The following AAMP variants were observed in gnomAD, a reference collection of about 807,000 sequenced individuals.
AAMP encodes angio-associated migratory cell protein.
AAMP carries 12 observed loss-of-function variants against 51.1 expected under a neutral mutation model. The observed-to-expected ratio is 0.23, with a 90% CI of 0.15 to 0.38. The LOEUF is 0.38. AAMP is among the 10% of genes least tolerant of loss of function. AAMP has a pLI of 1.00. For missense variants in AAMP, 418 were observed against 557.2 expected, an observed-to-expected ratio of 0.75 and a Z score of 2.52; for synonymous variants, 210 against 218.7, an observed-to-expected ratio of 0.96 and a Z score of 0.35.
At chr2:218,269,903 C>A (rs1433276088) in intron 1 of AAMP, 63 bp downstream of exon 1, 1 of 1,606,366 alleles carries the variant, frequency 6.2e-7, no homozygotes, top group Non-Finnish European at 8.5e-7. Context: ...CGGGGAAAAG[C>A]AGGAGTCAGA....
At position 218,264,623 on chromosome 2, in the gene AAMP, C is replaced by T. The variant is rs1180845520; in HGVS notation, c.1230-15G>A. On this transcript the variant is annotated splice_polypyrimidine_tract_variant and intron_variant, in intron 10 of 10. Transcript: ENST00000248450. Reference sequence around the variant, plus strand: ...GGGAGGCATCTCTGTAAACAGAAAGCATGTGATTGCAGAGACTGGGGGACC... The same window carrying T: ...GGGAGGCATCTCTGTAAACAGAAAGTATGTGATTGCAGAGACTGGGGGACC... The T allele has an allele frequency of 6.2e-7, 1 of 1,612,658 alleles. No individual in the cohort carries two copies. The highest frequency in any genetic ancestry group is 1.3e-5 in the African/African-American group (1 of 74,916).
At position 218,267,353 on chromosome 2, in the gene AAMP, G is replaced by C; in HGVS notation, c.394+141C>G. ...CCCAAAACACACTAGTATTCGCCCC[G>C]TGTCCCTGGGGCCCAGCACAGAGCT... is the stretch of plus-strand genomic sequence containing the variant. On this transcript the variant is annotated intron_variant, in intron 3 of 10. Transcript: ENST00000248450. The surrounding 1 kb of genome is among the most constrained non-coding windows in gnomAD (Gnocchi z 4.6). The C allele has an allele frequency of 7.8e-7, 1 of 1,275,984 alleles. No homozygotes were observed. The highest frequency in any genetic ancestry group is 1.1e-6 in the Non-Finnish European group (1 of 913,760). The allele number at this position is 1,275,984 out of a possible 1,614,324, so 79.0% of individuals were successfully genotyped here.
intron 2 of AAMP, 31 bp downstream of exon 2, chr2:218,269,351 T>C: frequency 6.2e-7 from 1 of 1,612,896 alleles, no homozygotes; most frequent in Non-Finnish European, 8.5e-7. Flanking sequence ...CCACCTAAAC[T>C]GATTTGAGGT....
intron 1 of AAMP, 26 bp downstream of exon 1, chr2:218,269,940 A>G: frequency 2.5e-6 from 4 of 1,613,944 alleles, no homozygotes; most frequent in Non-Finnish European, 3.4e-6. Flanking sequence ...CTCCTGTCCC[A>G]TGGCCTGAGG....
chr2:218,267,685 G>A lies in AAMP; in HGVS notation c.275-72C>T. ...AGGGCTCTGTCCTTCACAATCTTCA[G>A]GAAACCCACCCCCTTTCACCCAAAG... is the stretch of plus-strand genomic sequence containing the variant. On this transcript the variant is annotated intron_variant, in intron 2 of 10. Transcript: ENST00000248450. The surrounding 1 kb of genome is among the most constrained non-coding windows in gnomAD (Gnocchi z 4.6). The A allele has an allele frequency of 6.3e-7, 1 of 1,580,658 alleles. No individual in the cohort carries two copies. The highest frequency in any genetic ancestry group is 1.1e-5 in the South Asian group (1 of 89,786).
chr2:218,269,431 G>A lies in AAMP; in HGVS notation c.225C>T (p.Gly75=). The A allele has an allele frequency of 6.2e-7, 1 of 1,614,176 alleles. No homozygotes were observed. The highest frequency in any genetic ancestry group is 8.5e-7 in the Non-Finnish European group (1 of 1,180,044). ...CGCTATCGTCGGGGCCCTCCATGCT[G>A]CCGACCACCCCTTCCTGGGGTTCTA... is the stretch of plus-strand genomic sequence containing the variant. The part of the protein sequence containing the change: ...WVLEPQEGVV[G]SMEGPDDSEV... The change falls in exon 2 of 11, where the codon GGC becomes GGT. Residue 75 remains glycine, a synonymous_variant. Coordinates refer to ENST00000248450, the MANE Select transcript of AAMP (RefSeq NM_001087.5).
chr2:218,269,547 G>A lies in AAMP; in HGVS notation c.122-13C>T. ...TGGGCCAGGTCATCTGCTTTGGGGAGAGGGTTAGAAGATGGGGCTCGGGAG... is the reference window on the plus strand; with the variant it reads ...TGGGCCAGGTCATCTGCTTTGGGGAAAGGGTTAGAAGATGGGGCTCGGGAG... On this transcript the variant is annotated splice_polypyrimidine_tract_variant and intron_variant, in intron 1 of 10. Transcript: ENST00000248450. The A allele has an allele frequency of 6.2e-7, 1 of 1,614,164 alleles. No homozygotes were observed. Among genetic ancestry groups the A allele is most frequent in the Non-Finnish European group, 8.5e-7 (1 of 1,180,046 alleles).
Position 218,270,027 on chromosome 2 carries a change from G to A in AAMP, c.60C>T (p.Ser20=). The A allele has an allele frequency of 6.2e-7, 1 of 1,614,188 alleles. No individual in the cohort carries two copies. The highest frequency in any genetic ancestry group is 8.5e-7 in the Non-Finnish European group (1 of 1,180,028). The change falls in exon 1 of 11, where the codon AGC becomes AGT. Residue 20 remains serine (S), a synonymous_variant. Coordinates refer to ENST00000248450, the MANE Select transcript of AAMP (RefSeq NM_001087.5). Reference sequence around the variant, plus strand: ...CGATAATCTCTTCATCACCATGGAAGCTTAGGGTCTCCAGTGGGGGGGTGT... The same window carrying A: ...CGATAATCTCTTCATCACCATGGAAACTTAGGGTCTCCAGTGGGGGGGTGT... ...AADTPPLETL[S]FHGDEEIIEV...
chr2:218,265,157 C>G lies in AAMP; in HGVS notation c.1092G>C (p.Leu364=), dbSNP rs765949921. ...QCQHQSGIVQ[L]LWEAGTAVVY... is the part of the protein sequence containing the mutation. Reference sequence around the variant, plus strand: ...CCACGGCAGTGCCTGCCTCCCACAGCAGCTGCACGATGCCCGACTGCCCCG... The same window carrying G: ...CCACGGCAGTGCCTGCCTCCCACAGGAGCTGCACGATGCCCGACTGCCCCG... The change falls in exon 10 of 11, where the codon CTG becomes CTC. Residue 364 remains leucine, a synonymous_variant. Coordinates refer to ENST00000248450, the MANE Select transcript of AAMP (RefSeq NM_001087.5). This position sits in a 1 kb window ranked among gnomAD's most constrained non-coding sequence, Gnocchi z 6.6. 1.9e-6 allele frequency: 3 copies of G among 1,592,366 alleles called. No individual in the cohort carries two copies. The highest frequency in any genetic ancestry group is 2.7e-5 in the African/African-American group (2 of 74,526).
At position 218,266,242 on chromosome 2, in the gene AAMP, G is replaced by T; in HGVS notation, c.680-95C>A. The T allele has an allele frequency of 1.5e-6, 2 of 1,360,530 alleles. No homozygotes were observed. The highest frequency in any genetic ancestry group is 2.1e-6 in the Non-Finnish European group (2 of 961,752). 84.3% of individuals were successfully genotyped at this position (1,360,530 alleles called of 1,614,324 possible). On this transcript the variant is annotated intron_variant, in intron 5 of 10. Coordinates refer to ENST00000248450, the MANE Select transcript of AAMP (RefSeq NM_001087.5). This position sits in a 1 kb window ranked among gnomAD's most constrained non-coding sequence, Gnocchi z 4.7. ...AGGGAGAGGAAAGAAGAGTGGAAGG[G>T]CCCAGACACTGCCCCAGGAATCACA... is the stretch of plus-strand genomic sequence containing the variant.
chr2:218,268,242 C>T (rs913537213), intron 2 of AAMP, among the ~76,000 whole-genome samples: 1 of 152,148 alleles, frequency 6.6e-6, no homozygotes, highest in African/African-American at 2.4e-5. Context: ...GCTGGGATTA[C>T]AGGCATGAGC....
intron 1 of AAMP, 121 bp downstream of exon 1, chr2:218,269,845 G>A (rs1342538828): frequency 1.6e-5 from 23 of 1,461,722 alleles, no homozygotes; most frequent in Non-Finnish European, 2.1e-5. Context: ...TGGGGGAGGA[G>A]GGGAAGAGGG....
rs1044909556 is a variant in AAMP, at chr2:218,265,475, C to T, written c.984-14G>A. The T allele has an allele frequency of 1.1e-5, 18 of 1,574,942 alleles. No individual in the cohort carries two copies. Among genetic ancestry groups the T allele is most frequent in the Middle Eastern group, 1.7e-4 (1 of 6,024 alleles). On this transcript the variant is annotated splice_polypyrimidine_tract_variant and intron_variant, in intron 8 of 10. Transcript: ENST00000248450. This position sits in a 1 kb window ranked among gnomAD's most constrained non-coding sequence, Gnocchi z 6.6. ...GCCAGGGGCATCCTGGCCAGAGGAGCGTACCATGAAGACTCATGAGGGCCT... is the reference window on the plus strand; with the variant it reads ...GCCAGGGGCATCCTGGCCAGAGGAGTGTACCATGAAGACTCATGAGGGCCT...
chr2:218,266,283 G>A lies in AAMP; in HGVS notation c.680-136C>T. The A allele has an allele frequency of 1.5e-6, 2 of 1,306,916 alleles. No individual in the cohort carries two copies. The highest frequency in any genetic ancestry group is 2.7e-5 in the South Asian group (2 of 74,586). 81.0% of individuals were successfully genotyped at this position (1,306,916 alleles called of 1,614,324 possible). A position where few individuals can be genotyped will look rare whatever the true frequency, so the allele number is the denominator to read the frequency against. ...AGGAATCACAGGTGAGTTCAGAGCAGGAAGGAGGCGCTGTGAACTTTGGGG... is the reference window on the plus strand; with the variant it reads ...AGGAATCACAGGTGAGTTCAGAGCAAGAAGGAGGCGCTGTGAACTTTGGGG... On this transcript the variant is annotated intron_variant, in intron 5 of 10. Coordinates refer to ENST00000248450, the MANE Select transcript of AAMP (RefSeq NM_001087.5). The surrounding 1 kb of genome is among the most constrained non-coding windows in gnomAD (Gnocchi z 4.7).
rs1690666759 is a variant in AAMP, at chr2:218,267,698, C to T, written c.275-85G>A. 1 of 1,547,926 alleles carries T rather than the reference C, an allele frequency of 6.5e-7. No individual in the cohort carries two copies. The highest frequency in any genetic ancestry group is 8.9e-7 in the Non-Finnish European group (1 of 1,127,394). On this transcript the variant is annotated intron_variant, in intron 2 of 10. Transcript: ENST00000248450. This position sits in a 1 kb window ranked among gnomAD's most constrained non-coding sequence, Gnocchi z 4.6. Reference sequence around the variant, plus strand: ...TCACAATCTTCAGGAAACCCACCCCCTTTCACCCAAAGCGTGTCTTTCCTC... The same window carrying T: ...TCACAATCTTCAGGAAACCCACCCCTTTTCACCCAAAGCGTGTCTTTCCTC...
rs1690651517 is a variant in AAMP, at chr2:218,267,075, G to A, written c.395-89C>T. On this transcript the variant is annotated intron_variant, in intron 3 of 10. Coordinates refer to ENST00000248450, the MANE Select transcript of AAMP (RefSeq NM_001087.5). The surrounding 1 kb of genome is among the most constrained non-coding windows in gnomAD (Gnocchi z 4.6). ...GATTCTGGTATCTGGCCCACTGAAA[G>A]GACCAGCTAGGAAAAAAAGAGGGGC... The A allele has an allele frequency of 1.3e-6, 2 of 1,492,630 alleles. No individual in the cohort carries two copies. The highest frequency in any genetic ancestry group is 1.8e-6 in the Non-Finnish European group (2 of 1,089,006). 92.5% of individuals were successfully genotyped at this position (1,492,630 alleles called of 1,614,324 possible).
At position 218,264,499 on chromosome 2, in the gene AAMP, T is replaced by TCAA. The variant is rs1313297026; in HGVS notation, c.*31_*33dup. The TCAA allele has an allele frequency of 6.2e-7, 1 of 1,605,834 alleles. No homozygotes were observed. Reference sequence around the variant, plus strand: ...CAGGGGCAGGGGTCCCTTCGTCCCCTCAACACCAGACACACAGGCAGGGGC... The same window carrying TCAA: ...CAGGGGCAGGGGTCCCTTCGTCCCCTCAACAACACCAGACACACAGGCAGGGGC... On this transcript the variant is annotated 3_prime_UTR_variant, in exon 11 of 11. Coordinates refer to ENST00000248450, the MANE Select transcript of AAMP (RefSeq NM_001087.5).
chr2:218,264,915 C>G (rs974421535), intron 10 of AAMP, 105 bp downstream of exon 10: 4 of 1,546,132 alleles, frequency 2.6e-6, no homozygotes, highest in Non-Finnish European at 3.5e-6. Flanking sequence ...CTCTGCATTC[C>G]TGCCTTAGGA....
rs989672280 is a variant in AAMP at position 218,267,522 on chromosome 2, G to A, written c.366C>T (p.Ser122=). The change falls in exon 3 of 11, where the codon AGC becomes AGT. Residue 122 remains serine, a synonymous_variant. Coordinates refer to ENST00000248450, the MANE Select transcript of AAMP (RefSeq NM_001087.5). The surrounding 1 kb of genome is among the most constrained non-coding windows in gnomAD (Gnocchi z 4.6). ...CACACTCAAAGAGCAGCTCCCCATC[G>A]CTGAGCCGCCATACGAAGGCTTTGT... ...EDDKAFVWRL[S]DGELLFECAG... is the part of the protein sequence containing the mutation. 9.3e-6 allele frequency: 15 copies of A among 1,614,020 alleles called. No homozygotes were observed. Among genetic ancestry groups the A allele is most frequent in the Non-Finnish European group, 1.2e-5 (14 of 1,180,002 alleles).
Sources: allele counts gnomAD v4.1 joint callset (sites outside exome capture counted in the v4.1 genomes callset), GRCh38; gene constraint gnomAD v4.1.1; non-coding constraint Gnocchi (gnomAD v3.1); transcripts MANE v1.5; gene names NCBI Gene and HGNC (gene_info 2026-07-23, HGNC 2026-07-21).